Variants in EHD1 observed in about 807,000 individuals in gnomAD.
EHD1 encodes EH domain-containing protein 1.
A neutral mutation model predicts 39.0 loss-of-function variants in EHD1; 19 were observed. The observed-to-expected ratio is 0.49, with a 90% CI of 0.34 to 0.72. EHD1 has a LOEUF of 0.72. Among genes scored for constraint, EHD1 ranks in the 30% least tolerant of loss-of-function variants. The probability of loss-of-function intolerance (pLI) is 0.01; values close to 1 mark genes in which losing one functional copy is unlikely to be tolerated. For missense variants in EHD1, 542 were observed against 751.5 expected (o/e 0.72, Z 3.26); for synonymous variants, 323 against 331.2 (o/e 0.98, Z 0.27).
intron 3 of EHD1, chr11:64,856,471 C>T (rs1943654865): frequency 6.6e-6 from 1 of 152,290 alleles, no homozygotes; most frequent in Admixed American, 6.5e-5. Context: ...GGGCGGCACC[C>T]CCTTCATTTC....
At chr11:64,855,069 T>C in intron 4 of EHD1, 2 of 830,586 alleles carry the variant, frequency 2.4e-6, no homozygotes, top group Non-Finnish European at 3.7e-6. Context: ...CAAGGATTCA[T>C]GGACAGGGCA....
At chr11:64,879,604 C>T, upstream of EHD1, 1 of 1,551,150 alleles carries the variant, frequency 6.4e-7, no homozygotes, top group Non-Finnish European at 8.7e-7. Context: ...TGCCCTACCT[C>T]CCCTTACCAG....
intron 3 of EHD1, chr11:64,856,134 T>A (rs145433043): frequency 1.3e-5 from 2 of 154,974 alleles, no homozygotes; most frequent in Non-Finnish European, 2.9e-5. Flanking sequence ...GGCTCCCACA[T>A]GGAGGAGCTG....
At chr11:64,878,801 C>T, upstream of EHD1, 1 of 1,197,662 alleles carries the variant, frequency 8.3e-7, no homozygotes, top group Non-Finnish European at 1.0e-6. Context: ...CCAAATCTCG[C>T]GAGGCTGTGG....
In EHD1 at chr11:64,855,361, C is replaced by G; in HGVS notation, c.1041G>C (p.Gln347His). 1 of 1,614,172 alleles carries G rather than the reference C, an allele frequency of 6.2e-7. No individual in the cohort carries two copies. The highest frequency in any genetic ancestry group is 8.5e-7 in the Non-Finnish European group (1 of 1,180,018). Reference protein sequence around the residue: ...EIYQKIEREHQISPGDFPSLR... With the variant: ...EIYQKIEREHHISPGDFPSLR... ...GGCTCGGGAAGTCCCCAGGGGAGATCTGGTGCTCGCGCTCAATCTTCTGGT... is the reference window on the plus strand; with the variant it reads ...GGCTCGGGAAGTCCCCAGGGGAGATGTGGTGCTCGCGCTCAATCTTCTGGT... The change falls in exon 4 of 5, where the codon CAG (glutamine) becomes CAC (histidine). Residue 347 changes from glutamine to histidine, a missense_variant. Coordinates refer to ENST00000320631, the MANE Select transcript of EHD1 (RefSeq NM_006795.4).
At chr11:64,879,021 G>T, upstream of EHD1, 1 of 995,910 alleles carries the variant, frequency 1.0e-6, no homozygotes, top group Non-Finnish European at 1.2e-6. Context: ...TACGCGCCGC[G>T]CCCGCCGTTC....
chr11:64,862,524 T>C (rs1353055913), intron 2 of EHD1, among the ~76,000 whole-genome samples: 4 of 152,228 alleles, frequency 2.6e-5, no homozygotes, highest in Non-Finnish European at 5.9e-5. Context: ...GAAAGCTGCA[T>C]GTTCAGAATG....
At chr11:64,861,635 T>C (rs1451135340) in intron 2 of EHD1, among the ~76,000 whole-genome samples, 1 of 152,080 alleles carries the variant, frequency 6.6e-6, no homozygotes, top group South Asian at 2.1e-4. Flanking sequence ...TAAAGTTTTA[T>C]TGAAACACAG....
At chr11:64,855,610 G>A in intron 3 of EHD1, 124 bp from the exon 4 acceptor site, 7 of 1,460,534 alleles carry the variant, frequency 4.8e-6, no homozygotes, top group Non-Finnish European at 6.5e-6. Flanking sequence ...CAGGAGGGAT[G>A]GGTCAAGCTC....
At position 64,859,211 on chromosome 11, in the gene EHD1, G is replaced by A. The variant is rs545245242; in HGVS notation, c.915+713C>T. On this transcript the variant is annotated intron_variant, in intron 3 of 4. Coordinates refer to ENST00000320631, the MANE Select transcript of EHD1 (RefSeq NM_006795.4). ...TGTGTGTCACTCCCCGCCAGTACCC[G>A]GCATCCAGCACTGTGCTGAGTGCAC... Among the ~76,000 whole-genome samples, 9 of 152,304 alleles carry A rather than the reference G, an allele frequency of 5.9e-5. No individual in the cohort carries two copies. In the East Asian group the frequency reaches 1.4e-3, roughly 23 times the overall value.
In EHD1 at chr11:64,854,500, C is replaced by T. The variant is rs1943623067; in HGVS notation, c.1438G>A (p.Val480Met). The T allele has an allele frequency of 6.2e-6, 10 of 1,614,156 alleles. No individual in the cohort carries two copies. The highest frequency in any genetic ancestry group is 2.7e-5 in the African/African-American group (2 of 75,048). Reference sequence around the variant, plus strand: ...GCCAGCTTCCAGATCTTCCCTAGCACGGTGTTGGGGAGCTTGGACTTCACC... The same window carrying T: ...GCCAGCTTCCAGATCTTCCCTAGCATGGTGTTGGGGAGCTTGGACTTCACC... The part of the protein sequence containing the change: ...EMVKSKLPNT[V>M]LGKIWKLADV... Residue 480 changes from valine to methionine, a missense_variant, in exon 5 of 5, where the codon GTG becomes ATG. Coordinates refer to ENST00000320631, the MANE Select transcript of EHD1 (RefSeq NM_006795.4).
chr11:64,860,167 G>C lies in EHD1; in HGVS notation c.672C>G (p.Ile224Met). 1 of 1,614,136 alleles carries C rather than the reference G, an allele frequency of 6.2e-7. No homozygotes were observed. Among genetic ancestry groups the C allele is most frequent in the Non-Finnish European group, 8.5e-7 (1 of 1,180,038 alleles). Reference sequence around the variant, plus strand: ...ACACCCGCATCAGCTGCTGCGTCTCGATCTGGTCTGCCTTGTTCAGCACCA... The same window carrying C: ...ACACCCGCATCAGCTGCTGCGTCTCCATCTGGTCTGCCTTGTTCAGCACCA... ...IRVVLNKADQ[I>M]ETQQLMRVYG... The change falls in exon 3 of 5, where the codon ATC (isoleucine) becomes ATG (methionine). Residue 224 changes from isoleucine to methionine, a missense_variant. Transcript: ENST00000320631.
intron 2 of EHD1, among the ~76,000 whole-genome samples, chr11:64,863,873 CA>C (rs1943741190): frequency 6.6e-6 from 1 of 152,264 alleles, no homozygotes; most frequent in African/African-American, 2.4e-5. Flanking sequence ...AGCCGGGCTG[CA>C]GGGAGGAGGG....
chr11:64,863,208 G>A (rs1222660804), intron 2 of EHD1, among the ~76,000 whole-genome samples: 1 of 152,170 alleles, frequency 6.6e-6, no homozygotes, highest in Admixed American at 6.5e-5. Flanking sequence ...TCTGAGAGTC[G>A]CACAGCTTGG....
upstream of EHD1, chr11:64,878,747 G>A: frequency 1.3e-6 from 1 of 777,596 alleles, no homozygotes. Flanking sequence ...CCGCCCCTCC[G>A]ACTGGTGCCA....
chr11:64,872,410 G>A (rs1173479345), intron 2 of EHD1, among the ~76,000 whole-genome samples: 2 of 152,122 alleles, frequency 1.3e-5, no homozygotes, highest in Non-Finnish European at 2.9e-5. Flanking sequence ...GTAGTGAACC[G>A]AGATCATGCC....
Position 64,878,452 on chromosome 11 carries a change from C to G in EHD1, c.13G>C (p.Val5Leu). The change falls in exon 1 of 5, where the codon GTC (valine) becomes CTC (leucine). Residue 5 changes from valine to leucine, a missense_variant. Coordinates refer to ENST00000320631, the MANE Select transcript of EHD1 (RefSeq NM_006795.4). ...TTCTTGCGGCGGGCATCCTTGCTGA[C>G]CCAGCTGAACATACTGCCGGACACG... MFSW[V>L]SKDARRKKEP... is the part of the protein sequence containing the mutation. The G allele has an allele frequency of 1.9e-6, 3 of 1,607,430 alleles. No homozygotes were observed. Among genetic ancestry groups the G allele is most frequent in the South Asian group, 2.2e-5 (2 of 90,704 alleles).
chr11:64,879,521 G>A (rs1436318055), upstream of EHD1: 6 of 1,511,540 alleles, frequency 4.0e-6, no homozygotes, highest in Non-Finnish European at 5.4e-6. Context: ...AATTTAGGGG[G>A]AAGTTTAAAA....
chr11:64,854,069 G>T lies in EHD1; in HGVS notation c.*264C>A. 1 of 588,862 alleles carries T rather than the reference G, an allele frequency of 1.7e-6. No individual in the cohort carries two copies. Among genetic ancestry groups the T allele is most frequent in the Non-Finnish European group, 2.9e-6 (1 of 345,608 alleles). The allele number at this position is 588,862 out of a possible 1,614,324, so 36.5% of individuals were successfully genotyped here. ...CCGTGCACACAGGGCTGGCACACAG[G>T]GGAGGCGGCGACAAAGAACGCAGCC... On this transcript the variant is annotated 3_prime_UTR_variant, in exon 5 of 5. Transcript: ENST00000320631.
Sources: allele counts gnomAD v4.1 joint callset (sites outside exome capture counted in the v4.1 genomes callset), GRCh38; gene constraint gnomAD v4.1.1; transcripts MANE v1.5; gene names NCBI Gene and HGNC (gene_info 2026-07-23, HGNC 2026-07-21).